MGAT4C: variants seen among roughly 807,000 people sequenced by gnomAD.
MGAT4C encodes MGAT4 family member C, also known as alpha-1,3-mannosyl-glycoprotein 4-beta-N-acetylglucosaminyltransferase C.
Under a neutral mutation model 40.1 loss-of-function variants are expected in MGAT4C, and 19 were observed. The observed-to-expected ratio is 0.47, with a 90% CI of 0.33 to 0.70. MGAT4C has a LOEUF of 0.70. Ranked by LOEUF, MGAT4C falls within the 30% of genes least tolerant of loss-of-function variation. The probability of loss-of-function intolerance (pLI) is 0.02; values close to 1 mark genes in which losing one functional copy is unlikely to be tolerated. For missense variants in MGAT4C, 491 were observed against 563.2 expected (o/e 0.87, Z 1.30); for synonymous variants, 181 against 187.1 (o/e 0.97, Z 0.27).
chr12:86,347,592 G>C (rs903041332), intron 3 of MGAT4C, among the ~76,000 whole-genome samples: 1 of 152,090 alleles, frequency 6.6e-6, no homozygotes, highest in African/African-American at 2.4e-5. Context: ...TGCTACCTTA[G>C]CTCCCAATAA....
At chr12:86,258,041 AT>A (rs1952573704), upstream of MGAT4C, among the ~76,000 whole-genome samples, 1 of 152,058 alleles carries the variant, frequency 6.6e-6, no homozygotes, top group African/African-American at 2.4e-5. Flanking sequence ...TATCGTTGTT[AT>A]GAAAACAATC....
intron 1 of MGAT4C, among the ~76,000 whole-genome samples, chr12:86,814,274 GTA>G (rs1491329149): frequency 2.9e-5 from 3 of 105,098 alleles, no homozygotes; most frequent in East Asian, 5.3e-4. Flanking sequence ...ATACATATAC[GTA>G]TATATATACA....
At chr12:86,573,279 A>C (rs1960438408) in intron 2 of MGAT4C, among the ~76,000 whole-genome samples, 1 of 152,074 alleles carries the variant, frequency 6.6e-6, no homozygotes, top group Non-Finnish European at 1.5e-5. Context: ...ATGCATTTTT[A>C]AACACAGAAT....
At chr12:86,022,157 A>G (rs1338457127) in intron 2 of MGAT4C, among the ~76,000 whole-genome samples, 1 of 152,250 alleles carries the variant, frequency 6.6e-6, no homozygotes, top group Admixed American at 6.5e-5. Context: ...TGCTATGCAC[A>G]ATGACTGCAA....
At chr12:86,666,588 A>C (rs1421531260) in intron 2 of MGAT4C, among the ~76,000 whole-genome samples, 3 of 152,140 alleles carry the variant, frequency 2.0e-5, no homozygotes, top group Non-Finnish European at 4.4e-5. Flanking sequence ...TGTGAGTCAC[A>C]AAAAAATTAT....
Position 85,974,788 on chromosome 12 carries a change from T to C in MGAT4C, c.*4501A>G, listed in dbSNP as rs1474745077. 6.6e-6 allele frequency: 1 copy of C among 150,644 alleles called. No homozygotes were observed. Among genetic ancestry groups the C allele is most frequent in the Non-Finnish European group, 1.5e-5 (1 of 66,986 alleles). 9.3% of individuals were successfully genotyped at this position (150,644 alleles called of 1,614,324 possible). On this transcript the variant is annotated 3_prime_UTR_variant, in exon 5 of 5. Transcript: ENST00000611864. ...CCAATCTGAACAAAGAAATTCAAAG[T>C]AATGGAAAACTCAACAATGAAACTC...
chr12:86,277,183 C>A (rs1239397800), intron 4 of MGAT4C, among the ~76,000 whole-genome samples: 1 of 152,132 alleles, frequency 6.6e-6, no homozygotes. Context: ...CAATGTTGAG[C>A]ACATTTTTAT....
intron 1 of MGAT4C, among the ~76,000 whole-genome samples, chr12:86,088,604 C>T (rs1052730814): frequency 4.6e-5 from 7 of 152,010 alleles, no homozygotes; most frequent in Non-Finnish European, 1.0e-4. Flanking sequence ...GACATATACA[C>T]AGAGCCAACA....
chr12:86,732,359 T>G (rs1393711518), intron 1 of MGAT4C, among the ~76,000 whole-genome samples: 6 of 152,278 alleles, frequency 3.9e-5, no homozygotes, highest in Non-Finnish European at 8.8e-5. Context: ...ATGTTTCAAG[T>G]GCATTACATT....
chr12:86,221,320 G>A (rs972033905), intron 1 of MGAT4C, among the ~76,000 whole-genome samples: 2 of 151,958 alleles, frequency 1.3e-5, no homozygotes, highest in Non-Finnish European at 2.9e-5. Context: ...CTTGTATGTG[G>A]CTACCTCTTG....
intron 4 of MGAT4C, among the ~76,000 whole-genome samples, chr12:85,983,140 T>C (rs1884808617): frequency 6.6e-6 from 1 of 152,198 alleles, no homozygotes; most frequent in African/African-American, 2.4e-5. Flanking sequence ...CTGAGTTTCA[T>C]TAATTAAAAA....
intron 2 of MGAT4C, among the ~76,000 whole-genome samples, chr12:86,717,184 A>C (rs1400775231): frequency 2.0e-5 from 3 of 146,786 alleles, no homozygotes; most frequent in Non-Finnish European, 3.0e-5. Flanking sequence ...TAATTATTAC[A>C]AAAAAAAAAG....
chr12:86,265,107 C>A (rs932793567), intron 4 of MGAT4C, among the ~76,000 whole-genome samples: 2 of 152,116 alleles, frequency 1.3e-5, no homozygotes, highest in Non-Finnish European at 2.9e-5. Context: ...GCCCCACCCC[C>A]CGACCCCCAG....
chr12:86,192,635 T>C (rs1243415528), intron 1 of MGAT4C, among the ~76,000 whole-genome samples: 1 of 152,154 alleles, frequency 6.6e-6, no homozygotes, highest in Non-Finnish European at 1.5e-5. Flanking sequence ...AACCACATGA[T>C]TTTTTCTAAC....
intron 2 of MGAT4C, among the ~76,000 whole-genome samples, chr12:86,608,423 T>C (rs1227060916): frequency 1.3e-5 from 2 of 151,754 alleles, no homozygotes; most frequent in African/African-American, 4.8e-5. Flanking sequence ...TACAAAAAAA[T>C]TTAAAAAAAT....
intron 1 of MGAT4C, among the ~76,000 whole-genome samples, chr12:86,175,354 G>T (rs1887281458): frequency 6.6e-6 from 1 of 152,050 alleles, no homozygotes; most frequent in African/African-American, 2.4e-5. Flanking sequence ...CCTTCTGTCT[G>T]CCTGTTCAAA....
At chr12:86,512,127 T>C (rs934763771) in intron 2 of MGAT4C, among the ~76,000 whole-genome samples, 3 of 152,096 alleles carry the variant, frequency 2.0e-5, no homozygotes, top group African/African-American at 7.2e-5. Flanking sequence ...TAAACATTTA[T>C]CCAAAGAAGA....
In MGAT4C at chr12:85,963,352, C is replaced by T. The variant is rs1179418183; in HGVS notation, c.*15937G>A. The T allele has an allele frequency of 6.6e-6, 1 of 151,860 alleles. No individual in the cohort carries two copies. The highest frequency in any genetic ancestry group is 2.4e-5 in the African/African-American group (1 of 41,392). 9.4% of individuals were successfully genotyped at this position (151,860 alleles called of 1,614,324 possible). ...TGTAACTAGCACATAGTCAGTGTTT[C>T]TTAACCATTTTGGGGTCCTGAAACT... On this transcript the variant is annotated 3_prime_UTR_variant, in exon 5 of 5. Transcript: ENST00000611864.
chr12:86,319,215 C>T (rs1954317665), intron 4 of MGAT4C, among the ~76,000 whole-genome samples: 1 of 152,176 alleles, frequency 6.6e-6, no homozygotes, highest in Non-Finnish European at 1.5e-5. Flanking sequence ...GTCCTCTATA[C>T]ACCAAATCAT....
Sources: allele counts gnomAD v4.1 joint callset (sites outside exome capture counted in the v4.1 genomes callset), GRCh38; gene constraint gnomAD v4.1.1; transcripts MANE v1.5; gene names NCBI Gene and HGNC (gene_info 2026-07-23, HGNC 2026-07-21).